Variants in AHRR observed in about 807,000 individuals in gnomAD.
AHRR encodes the protein aryl hydrocarbon receptor repressor, also known as ahR repressor.
AHRR carries 28 observed loss-of-function variants against 44.0 expected under a neutral mutation model. The observed-to-expected ratio is 0.64, with a 90% CI of 0.47 to 0.87. The LOEUF is 0.87. AHRR is among the 40% of genes least tolerant of loss of function. The probability of loss-of-function intolerance (pLI) is 0.00; values close to 1 mark genes in which losing one functional copy is unlikely to be tolerated. For synonymous variants in AHRR, 434 were observed against 407.0 expected (o/e 1.07, Z -0.80); for missense variants, 990 against 953.9 (o/e 1.04, Z -0.50).
At chr5:344,884 G>A (rs1430915437) in intron 2 of AHRR, among the ~76,000 whole-genome samples, 4 of 134,818 alleles carry the variant, frequency 3.0e-5, no homozygotes, top group Non-Finnish European at 4.7e-5. Context: ...GCAGGTGTGC[G>A]AAGCTGTGTG....
intron 10 of AHRR, among the ~76,000 whole-genome samples, chr5:433,254 C>G (rs1296555256): frequency 6.6e-6 from 1 of 152,120 alleles, no homozygotes; most frequent in Non-Finnish European, 1.5e-5. Context: ...TCACCCGGCT[C>G]CAACCTCATC....
In AHRR at chr5:326,021, G is replaced by A. The variant is rs1471350961; in HGVS notation, c.-11+4202G>A. ...TGGTCTTGAACTCCTGACCTCAGGC[G>A]ATTCCCCTGCCTCAGCCTCCCTAAG... On this transcript the variant is annotated intron_variant, in intron 1 of 10. Transcript: ENST00000684583. The surrounding 1 kb of genome is among the most constrained non-coding windows in gnomAD (Gnocchi z 4.1). Among the ~76,000 whole-genome samples, 1 of 152,196 alleles carries A rather than the reference G, an allele frequency of 6.6e-6. No individual in the cohort carries two copies. Among genetic ancestry groups the A allele is most frequent in the East Asian group, 1.9e-4 (1 of 5,196 alleles).
intron 1 of AHRR, among the ~76,000 whole-genome samples, chr5:322,823 G>T (rs528298886): frequency 1.1e-4 from 17 of 152,356 alleles, no homozygotes; most frequent in African/African-American, 3.8e-4. Flanking sequence ...ATGCTGACCC[G>T]GCGGACGCCG....
chr5:429,620 G>C (rs1188877763), intron 8 of AHRR, among the ~76,000 whole-genome samples: 3 of 152,360 alleles, frequency 2.0e-5, no homozygotes, highest in Admixed American at 6.5e-5. Flanking sequence ...ACCAAGTGCA[G>C]CTCAGCCTTG....
At chr5:430,289 C>A (rs771746085) in intron 8 of AHRR, among the ~76,000 whole-genome samples, 1 of 152,358 alleles carries the variant, frequency 6.6e-6, no homozygotes, top group East Asian at 1.9e-4. Context: ...GGCACGCTGC[C>A]GTCCCTCCTG....
At chr5:356,266 C>T (rs2672737) in intron 3 of AHRR, among the ~76,000 whole-genome samples, 140,152 of 152,276 alleles carry the variant, frequency 0.92, 64,908 homozygotes, top group African/African-American at 0.98. Flanking sequence ...TGCCCTCCTG[C>T]TGCGGGGCAT....
chr5:365,794 A>G (rs1743336561), intron 3 of AHRR, among the ~76,000 whole-genome samples: 1 of 152,230 alleles, frequency 6.6e-6, no homozygotes, highest in Non-Finnish European at 1.5e-5. Flanking sequence ...AATATAACTT[A>G]TTAAAACTGA....
chr5:331,964 C>G (rs531389649), intron 1 of AHRR, among the ~76,000 whole-genome samples: 4 of 152,320 alleles, frequency 2.6e-5, no homozygotes, highest in African/African-American at 9.6e-5. Context: ...AAACTTCCCT[C>G]TTAGCACTGC....
At chr5:327,224 G>A (rs1016450288) in intron 1 of AHRR, among the ~76,000 whole-genome samples, 2 of 152,122 alleles carry the variant, frequency 1.3e-5, no homozygotes, top group African/African-American at 4.8e-5. Flanking sequence ...CAAGTCCTTT[G>A]CCCATTTTTT....
intron 4 of AHRR, among the ~76,000 whole-genome samples, chr5:396,299 G>A (rs1734703368): frequency 1.3e-5 from 2 of 152,178 alleles, no homozygotes; most frequent in Non-Finnish European, 2.9e-5. Flanking sequence ...AGCAGGCTGG[G>A]AGGGGGCATC....
At position 434,230 on chromosome 5, in the gene AHRR, C is replaced by T; in HGVS notation, c.1490C>T (p.Ala497Val). The stretch of plus-strand genomic sequence containing the variant: ...CAGCACCAGCTCCCTCAGCCTGGAG[C>T]TCAGCGTTTTGCCACGAGGGGCTAT... ...SLQHQLPQPG[A>V]QRFATRGYPM... The change falls in exon 11 of 11, where the codon GCT (alanine) becomes GTT (valine). Residue 497 changes from alanine to valine, a missense_variant. Ala to Val is a moderately conservative substitution (Grantham distance 64). Transcript: ENST00000684583. The T allele has an allele frequency of 6.3e-7, 1 of 1,591,234 alleles. No homozygotes were observed. The highest frequency in any genetic ancestry group is 8.6e-7 in the Non-Finnish European group (1 of 1,168,660).
chr5:412,351 T>C (rs961884563), intron 4 of AHRR, among the ~76,000 whole-genome samples: 5 of 152,172 alleles, frequency 3.3e-5, no homozygotes, highest in Non-Finnish European at 7.4e-5. Flanking sequence ...CTCCACAAAA[T>C]GTGCCCGCAC....
In AHRR at chr5:383,794, C is replaced by T. The variant is rs1313955056; in HGVS notation, c.351+7078C>T. Among the ~76,000 whole-genome samples, 5 of 152,086 alleles carry T rather than the reference C, an allele frequency of 3.3e-5. No individual in the cohort carries two copies. The highest frequency in any genetic ancestry group is 7.4e-5 in the Non-Finnish European group (5 of 68,014). ...GCTCAGGATAGTCTAGAACTCTTGGCCTCAAGCTGTCCTCCCACCCCCGGC... is the reference window on the plus strand; with the variant it reads ...GCTCAGGATAGTCTAGAACTCTTGGTCTCAAGCTGTCCTCCCACCCCCGGC... On this transcript the variant is annotated intron_variant, in intron 4 of 10. Coordinates refer to ENST00000684583, the MANE Select transcript of AHRR (RefSeq NM_001377236.1). The surrounding 1 kb of genome is among the most constrained non-coding windows in gnomAD (Gnocchi z 4.0).
At position 434,498 on chromosome 5, in the gene AHRR, C is replaced by T. The variant is rs778906697; in HGVS notation, c.1758C>T (p.His586=). 2.5e-6 allele frequency: 4 copies of T among 1,612,984 alleles called. No homozygotes were observed. Among genetic ancestry groups the T allele is most frequent in the African/African-American group, 2.7e-5 (2 of 74,928 alleles). ...CTCGGCAACAGGTGTACATCTCGCA[C>T]CTGGGGCACGGCGTGCGGGGGGCTC... ...PDSRQQVYIS[H]LGHGVRGAQP... is the part of the protein sequence containing the mutation. The change falls in exon 11 of 11, where the codon CAC becomes CAT. Residue 586 remains histidine, a synonymous_variant. Transcript: ENST00000684583.
rs1220867905 is a variant in AHRR, at chr5:434,062, A to G, written c.1322A>G (p.Gln441Arg). The G allele has an allele frequency of 6.2e-7, 1 of 1,612,520 alleles. No individual in the cohort carries two copies. The highest frequency in any genetic ancestry group is 1.3e-5 in the African/African-American group (1 of 74,942). The change falls in exon 11 of 11, where the codon CAG becomes CGG. Residue 441 changes from glutamine to arginine, a missense_variant. Coordinates refer to ENST00000684583, the MANE Select transcript of AHRR (RefSeq NM_001377236.1). ...RGSCLPCPCV[Q>R]GTFRNSPISH... is the part of the protein sequence containing the mutation. Reference sequence around the variant, plus strand: ...TCCTGCCTGCCCTGCCCGTGTGTCCAGGGCACTTTCAGGAACTCGCCCATC... The same window carrying G: ...TCCTGCCTGCCCTGCCCGTGTGTCCGGGGCACTTTCAGGAACTCGCCCATC...
At chr5:377,313 T>C (rs1051828860) in intron 4 of AHRR, among the ~76,000 whole-genome samples, 2 of 152,202 alleles carry the variant, frequency 1.3e-5, no homozygotes, top group Non-Finnish European at 2.9e-5. Flanking sequence ...GATGGTGGCA[T>C]GGAGCCTCCG....
chr5:343,727 C>A (rs1742450861), intron 1 of AHRR, 166 bp from the exon 2 acceptor site: 3 of 630,722 alleles, frequency 4.8e-6, no homozygotes, highest in South Asian at 4.1e-5. Context: ...TGCTGGAGAG[C>A]AGGGGTCCCG....
At chr5:325,683 C>T (rs1741682331) in intron 1 of AHRR, among the ~76,000 whole-genome samples, 1 of 152,174 alleles carries the variant, frequency 6.6e-6, no homozygotes, top group Admixed American at 6.5e-5. Context: ...TCCAATCTGC[C>T]ATTTGCTTTC....
rs992065948 is a variant in AHRR, at chr5:370,437, C to T, written c.245-6173C>T. Among the ~76,000 whole-genome samples the T allele has an allele frequency of 3.9e-5, 6 of 152,134 alleles. No individual in the cohort carries two copies. Among genetic ancestry groups the T allele is most frequent in the African/African-American group, 1.2e-4 (5 of 41,410 alleles). Reference sequence around the variant, plus strand: ...TCCAACTCCTGGACGGGAGAGGTGTCGTAAGGGTCCCTCAGGAGGGAGCTT... The same window carrying T: ...TCCAACTCCTGGACGGGAGAGGTGTTGTAAGGGTCCCTCAGGAGGGAGCTT... On this transcript the variant is annotated intron_variant, in intron 3 of 10. Transcript: ENST00000684583. The surrounding 1 kb of genome is among the most constrained non-coding windows in gnomAD (Gnocchi z 4.5).
Sources: gnomAD v4.1 joint callset for allele counts (sites outside exome capture counted in the v4.1 genomes callset) on GRCh38, gnomAD v4.1.1 for gene constraint, Gnocchi (gnomAD v3.1) non-coding constraint, MANE v1.5 for transcripts, NCBI Gene and HGNC (gene_info 2026-07-23, HGNC 2026-07-21) for gene names.